The following GABRB1 variants were observed in gnomAD, a reference collection of about 807,000 sequenced individuals.
GABRB1 encodes the protein gamma-aminobutyric acid receptor subunit beta-1.
In GABRB1, 17 loss-of-function variants were observed where a neutral mutation model predicts 51.6. That is an observed-to-expected ratio of 0.33 (90% CI 0.23 to 0.49). GABRB1 has a LOEUF of 0.49. Among genes scored for constraint, GABRB1 ranks in the 20% least tolerant of loss-of-function variants. GABRB1 has a pLI of 0.99. For missense variants in GABRB1, 410 were observed against 600.6 expected (o/e 0.68, Z 3.32); for synonymous variants, 247 against 218.9 (o/e 1.13, Z -1.14).
chr4:47,072,772 C>T (rs139506553), intron 3 of GABRB1, among the ~76,000 whole-genome samples: 187 of 152,078 alleles, frequency 1.2e-3, no homozygotes, highest in Non-Finnish European at 1.7e-3. Context: ...TTTTGAGTTG[C>T]GATGGTTTTC....
chr4:47,132,364 C>T (rs532846073), intron 3 of GABRB1, among the ~76,000 whole-genome samples: 5 of 150,308 alleles, frequency 3.3e-5, no homozygotes, highest in South Asian at 2.2e-4. Context: ...TCTGTGAAGA[C>T]GTTTTTTCGT....
intron 4 of GABRB1, among the ~76,000 whole-genome samples, chr4:47,166,326 C>T (rs1167863627): frequency 6.6e-6 from 1 of 151,916 alleles, no homozygotes; most frequent in East Asian, 1.9e-4. Context: ...CCACCTCTTC[C>T]CTGTCATCCA....
chr4:47,419,495 C>G (rs554833361), intron 8 of GABRB1, among the ~76,000 whole-genome samples: 128 of 152,318 alleles, frequency 8.4e-4, no homozygotes, highest in African/African-American at 2.8e-3. Context: ...CACTGATAAC[C>G]TGCATTTGAA....
intron 4 of GABRB1, among the ~76,000 whole-genome samples, chr4:47,235,673 C>T (rs1206371501): frequency 2.6e-5 from 4 of 151,998 alleles, no homozygotes; most frequent in Non-Finnish European, 5.9e-5. Flanking sequence ...GAACTTTCTC[C>T]TTTTATAATT....
chr4:47,094,762 T>TA (rs34400036), intron 3 of GABRB1, among the ~76,000 whole-genome samples: 122 of 122,288 alleles, frequency 1.0e-3, no homozygotes, highest in South Asian at 3.0e-3. Context: ...AACTTAAAGG[T>TA]AAAAAAAAAA....
upstream of GABRB1, among the ~76,000 whole-genome samples, chr4:47,028,540 T>A (rs998861567): frequency 6.6e-6 from 1 of 151,728 alleles, no homozygotes; most frequent in Non-Finnish European, 1.5e-5. Context: ...CACTTCGTTA[T>A]CAGTTTTGAT....
At chr4:47,246,023 G>C (rs1578030447) in intron 4 of GABRB1, among the ~76,000 whole-genome samples, 1 of 148,468 alleles carries the variant, frequency 6.7e-6, no homozygotes, top group Middle Eastern at 3.5e-3. Context: ...CATCCAAGCA[G>C]TATACACTGC....
At chr4:47,058,186 A>G (rs1203682216) in intron 3 of GABRB1, among the ~76,000 whole-genome samples, 1 of 152,196 alleles carries the variant, frequency 6.6e-6, no homozygotes, top group Non-Finnish European at 1.5e-5. Flanking sequence ...TAGAGTTTCT[A>G]TTTAGAGAAC....
chr4:47,314,034 C>T (rs1206162403), intron 4 of GABRB1, among the ~76,000 whole-genome samples: 1 of 151,936 alleles, frequency 6.6e-6, no homozygotes, highest in Non-Finnish European at 1.5e-5. Context: ...AGAGTAAGTT[C>T]TTAGAGCTAT....
At chr4:47,178,493 G>T (rs1343080468) in intron 4 of GABRB1, among the ~76,000 whole-genome samples, 1 of 152,022 alleles carries the variant, frequency 6.6e-6, no homozygotes, top group African/African-American at 2.4e-5. Context: ...TTTGTCATTG[G>T]ATTAGTGGAG....
At chr4:47,350,435 T>C (rs1726285296) in intron 5 of GABRB1, among the ~76,000 whole-genome samples, 1 of 151,670 alleles carries the variant, frequency 6.6e-6, no homozygotes, top group Non-Finnish European at 1.5e-5. Context: ...CAAACATTTC[T>C]GAGCTTGATC....
chr4:47,293,649 C>T (rs4235144), intron 4 of GABRB1, among the ~76,000 whole-genome samples: 147,673 of 152,346 alleles, frequency 0.97, 71,683 homozygotes, highest in East Asian at 1. Flanking sequence ...ATGCCAGTTT[C>T]ATAGTCATGT....
Position 47,019,888 on chromosome 4 carries a change from A to ATATATGTATATGTATATGTATATG in GABRB1, c.-19-12015_-19-11992dup, listed in dbSNP as rs56015998. Among the ~76,000 whole-genome samples, 653 of 139,668 alleles carry ATATATGTATATGTATATGTATATG rather than the reference A, an allele frequency of 4.7e-3. 5 individuals are homozygous for ATATATGTATATGTATATGTATATG. Among genetic ancestry groups the ATATATGTATATGTATATGTATATG allele is most frequent in the African/African-American group, 0.015 (556 of 36,818 alleles). The allele number at this position is 139,668 out of a possible 152,430, so 91.6% of individuals were successfully genotyped here. On this transcript the variant is annotated intron_variant, in intron 1 of 3. Coordinates refer to the GABRB1 transcript ENST00000513567. ...CCTGGCTAATTTATATATATATATA[A>ATATATGTATATGTATATGTATATG]TATATGTATATGTATATGTATATGT...
chr4:47,080,241 G>A (rs1409839236), intron 3 of GABRB1, among the ~76,000 whole-genome samples: 3 of 151,334 alleles, frequency 2.0e-5, no homozygotes, highest in East Asian at 2.0e-4. Flanking sequence ...AAACTGTGAC[G>A]CATGCCTTGT....
At chr4:47,275,036 A>G (rs1437623326) in intron 4 of GABRB1, among the ~76,000 whole-genome samples, 2 of 152,184 alleles carry the variant, frequency 1.3e-5, no homozygotes, top group Non-Finnish European at 2.9e-5. Context: ...CAAAACTTTG[A>G]CAGCTTTTTT....
At chr4:47,280,360 CTATAGT>C (rs1385914402) in intron 4 of GABRB1, among the ~76,000 whole-genome samples, 1 of 151,608 alleles carries the variant, frequency 6.6e-6, no homozygotes, top group Non-Finnish European at 1.5e-5. Context: ...ATTACTGCAG[CTATAGT>C]TATTTGTAAT....
intron 4 of GABRB1, among the ~76,000 whole-genome samples, chr4:47,300,741 C>G (rs1439721907): frequency 6.6e-6 from 1 of 152,146 alleles, no homozygotes; most frequent in Non-Finnish European, 1.5e-5. Flanking sequence ...CAGATCAACA[C>G]TTTTGCCACA....
At chr4:47,155,075 G>T (rs746052884) in intron 3 of GABRB1, among the ~76,000 whole-genome samples, 18 of 152,050 alleles carry the variant, frequency 1.2e-4, no homozygotes, top group Non-Finnish European at 2.2e-4. Context: ...TGAAGCAACT[G>T]CTCTTGAATC....
intron 3 of GABRB1, among the ~76,000 whole-genome samples, chr4:47,083,688 A>T (rs758871207): frequency 1.3e-5 from 2 of 152,048 alleles, no homozygotes; most frequent in Non-Finnish European, 2.9e-5. Context: ...TCCCACACCA[A>T]TGCCTACTAA....
Sources: allele counts gnomAD v4.1 joint callset (sites outside exome capture counted in the v4.1 genomes callset), GRCh38; gene constraint gnomAD v4.1.1; transcripts MANE v1.5; gene names NCBI Gene and HGNC (gene_info 2026-07-23, HGNC 2026-07-21).